Variants in C1QTNF5 observed in about 807,000 individuals in gnomAD.
The protein encoded by C1QTNF5 is complement C1q tumor necrosis factor-related protein 5.
C1QTNF5 carries 5 observed loss-of-function variants against 10.9 expected under a neutral mutation model. The observed-to-expected ratio is 0.46, with a 90% CI of 0.24 to 0.97. C1QTNF5 has a LOEUF of 0.97. Ranked by LOEUF, C1QTNF5 falls within the 50% of genes least tolerant of loss-of-function variation. C1QTNF5 has a pLI of 0.19. For synonymous variants in C1QTNF5, 161 were observed against 156.5 expected (o/e 1.03, Z -0.22); for missense variants, 281 against 339.4 (o/e 0.83, Z 1.35).
At chr11:119,343,932 T>A, upstream of C1QTNF5, 2 of 1,613,680 alleles carry the variant, frequency 1.2e-6, no homozygotes, top group Non-Finnish European at 1.7e-6. Flanking sequence ...CTATGCTGTG[T>A]CCGGCAGGCA....
chr11:119,339,280 C>A lies in C1QTNF5; in HGVS notation c.*51G>T. 6.3e-7 allele frequency: 1 copy of A among 1,583,560 alleles called. No individual in the cohort carries two copies. On this transcript the variant is annotated 3_prime_UTR_variant, in exon 3 of 3. Coordinates refer to ENST00000528368, the MANE Select transcript of C1QTNF5 (RefSeq NM_001278431.2). The surrounding 1 kb of genome is among the most constrained non-coding windows in gnomAD (Gnocchi z 5.4). ...CCTCCTGGATGACCTGGTTGTCAGC[C>A]TCACACCCTCCTTCTAGGAGTGAGA... is the stretch of plus-strand genomic sequence containing the variant.
In C1QTNF5 at chr11:119,339,547, G is replaced by A; in HGVS notation, c.516C>T (p.Gly172=). The A allele has an allele frequency of 6.2e-7, 1 of 1,613,606 alleles. No homozygotes were observed. Among genetic ancestry groups the A allele is most frequent in the South Asian group, 1.1e-5 (1 of 91,080 alleles). ...ASLQFDLVKN[G]ESIASFFQFF... ...ACTGGAAGAAAGAGGCAATGGATTC[G>A]CCATTCTTCACCAGATCAAACTGCA... The change falls in exon 3 of 3, where the codon GGC becomes GGT. Residue 172 remains glycine, a synonymous_variant. Transcript: ENST00000528368. The surrounding 1 kb of genome is among the most constrained non-coding windows in gnomAD (Gnocchi z 5.4).
At chr11:119,344,386 C>G (rs753835210), upstream of C1QTNF5, 3 of 1,613,644 alleles carry the variant, frequency 1.9e-6, no homozygotes, top group African/African-American at 2.7e-5. Context: ...AGATTCCCCC[C>G]ACACCCTGTA....
At position 119,339,837 on chromosome 11, in the gene C1QTNF5, G is replaced by T; in HGVS notation, c.226C>A (p.Pro76Thr). The T allele has an allele frequency of 6.7e-7, 1 of 1,493,746 alleles. No homozygotes were observed. Among genetic ancestry groups the T allele is most frequent in the South Asian group, 1.3e-5 (1 of 77,018 alleles). The allele number at this position is 1,493,746 out of a possible 1,614,324, so 92.5% of individuals were successfully genotyped here. A position where few individuals can be genotyped will look rare whatever the true frequency, so the allele number is the denominator to read the frequency against. ...CCTCGCGGCCCGGGGTCCCCTCGAG[G>T]TCCCGGCAGTCCTGCGGGGTAAGCG... ...GEGGRPGLPGPRGDPGPRGEA... is the reference protein window; with the variant it reads ...GEGGRPGLPGTRGDPGPRGEA... The change falls in exon 3 of 3, where the codon CCT (proline) becomes ACT (threonine). Residue 76 changes from proline (P) to threonine (T), a missense_variant. Transcript: ENST00000528368. The surrounding 1 kb of genome is among the most constrained non-coding windows in gnomAD (Gnocchi z 5.4).
upstream of C1QTNF5, chr11:119,342,553 G>C (rs1950512661): frequency 4.3e-6 from 7 of 1,609,370 alleles, no homozygotes; most frequent in African/African-American, 1.3e-5. Context: ...TCTGTGAGGT[G>C]GGCACCCAGC....
In C1QTNF5 at chr11:119,339,862, G is replaced by A. The variant is rs1306948469; in HGVS notation, c.215-14C>T. The A allele has an allele frequency of 6.9e-7, 1 of 1,459,762 alleles. No individual in the cohort carries two copies. The highest frequency in any genetic ancestry group is 1.4e-5 in the South Asian group (1 of 71,600). 90.4% of individuals were successfully genotyped at this position (1,459,762 alleles called of 1,614,324 possible). Reference sequence around the variant, plus strand: ...GTCCCGGCAGTCCTGCGGGGTAAGCGGGGCGGCAGGGTGAGAGTAGCGGCG... The same window carrying A: ...GTCCCGGCAGTCCTGCGGGGTAAGCAGGGCGGCAGGGTGAGAGTAGCGGCG... On this transcript the variant is annotated splice_polypyrimidine_tract_variant and intron_variant, in intron 2 of 2. Transcript: ENST00000528368. This position sits in a 1 kb window ranked among gnomAD's most constrained non-coding sequence, Gnocchi z 5.4.
upstream of C1QTNF5, chr11:119,345,482 ACT>A (rs1950553695): frequency 1.9e-6 from 3 of 1,613,882 alleles, no homozygotes; most frequent in Non-Finnish European, 2.5e-6. Flanking sequence ...AAGAGGCCAC[ACT>A]CTCTATGCTG....
rs747647680 is a variant in C1QTNF5, at chr11:119,339,523, C to T, written c.540G>A (p.Gln180=). The part of the protein sequence containing the change: ...KNGESIASFF[Q]FFGGWPKPAS... The stretch of plus-strand genomic sequence containing the variant: ...CTGGCTTGGGCCACCCCCCGAAAAA[C>T]TGGAAGAAAGAGGCAATGGATTCGC... The change falls in exon 3 of 3, where the codon CAG becomes CAA. Residue 180 remains glutamine, a synonymous_variant. Coordinates refer to ENST00000528368, the MANE Select transcript of C1QTNF5 (RefSeq NM_001278431.2). This position sits in a 1 kb window ranked among gnomAD's most constrained non-coding sequence, Gnocchi z 5.4. 9.9e-6 allele frequency: 16 copies of T among 1,613,810 alleles called. No individual in the cohort carries two copies. In the South Asian group the frequency reaches 1.8e-4, roughly 18 times the overall value.
chr11:119,340,071 C>G (rs551231393), intron 2 of C1QTNF5, 113 bp downstream of exon 2: 175 of 1,340,484 alleles, frequency 1.3e-4, no homozygotes, highest in Non-Finnish European at 1.6e-4. Context: ...GGCTGCAAAG[C>G]GCGGGGAGTG....
At position 119,339,441 on chromosome 11, in the gene C1QTNF5, G is replaced by A; in HGVS notation, c.622C>T (p.Gln208Ter). 1 of 1,613,954 alleles carries A rather than the reference G, an allele frequency of 6.2e-7. No individual in the cohort carries two copies. Among genetic ancestry groups the A allele is most frequent in the East Asian group, 2.2e-5 (1 of 44,860 alleles). Residue 208 changes from glutamine to a stop codon, truncating the protein, a stop_gained, in exon 3 of 3, where the codon CAG becomes TAG. Coordinates refer to ENST00000528368, the MANE Select transcript of C1QTNF5 (RefSeq NM_001278431.2). LOFTEE classifies it high-confidence loss of function. The surrounding 1 kb of genome is among the most constrained non-coding windows in gnomAD (Gnocchi z 5.4). ...RLEPEDQVWVQVGVGDYIGIY... is the reference protein window; with the variant it reads ...RLEPEDQVWV ...CCAATGTAGTCACCCACACCCACCT[G>A]CACCCACACTTGGTCCTCAGGCTCC...
At chr11:119,341,480 T>C (rs1950501687), upstream of C1QTNF5, 2 of 1,339,416 alleles carry the variant, frequency 1.5e-6, no homozygotes, top group Non-Finnish European at 2.1e-6. Context: ...CTTCCTTTGT[T>C]CCCCTGCGTG....
Position 119,339,710 on chromosome 11 carries a change from G to C in C1QTNF5, c.353C>G (p.Pro118Arg). The change falls in exon 3 of 3, where the codon CCG (proline) becomes CGG (arginine). Residue 118 changes from proline to arginine, a missense_variant. Pro to Arg is a moderately radical substitution (Grantham distance 103, BLOSUM62 -2). Coordinates refer to ENST00000528368, the MANE Select transcript of C1QTNF5 (RefSeq NM_001278431.2). The surrounding 1 kb of genome is among the most constrained non-coding windows in gnomAD (Gnocchi z 5.4). ...AKRSESRVPP[P>R]SDAPLPFDRV... ...GTCGAAGGGCAAGGGTGCGTCAGAC[G>C]GCGGAGGCACCCGGCTCTCGGAGCG... 2 of 1,604,324 alleles carry C rather than the reference G, an allele frequency of 1.2e-6. No homozygotes were observed. The highest frequency in any genetic ancestry group is 1.7e-6 in the Non-Finnish European group (2 of 1,178,838).
In C1QTNF5 at chr11:119,340,724, T is replaced by C. The variant is rs1950495039; in HGVS notation, c.-73A>G. 1 of 375,404 alleles carries C rather than the reference T, an allele frequency of 2.7e-6. No homozygotes were observed. The highest frequency in any genetic ancestry group is 4.9e-6 in the Non-Finnish European group (1 of 204,818). 23.3% of individuals were successfully genotyped at this position (375,404 alleles called of 1,614,324 possible). A position where few individuals can be genotyped will look rare whatever the true frequency, so the allele number is the denominator to read the frequency against. The stretch of plus-strand genomic sequence containing the variant: ...CCTCCCGGCTCCCCGATGGCCTCCT[T>C]CGGGGCGCTCGCTACTCCGGACCCT... On this transcript the variant is annotated 5_prime_UTR_variant, in exon 1 of 3. Coordinates refer to ENST00000528368, the MANE Select transcript of C1QTNF5 (RefSeq NM_001278431.2).
upstream of C1QTNF5, chr11:119,344,060 G>A: frequency 1.3e-6 from 2 of 1,504,616 alleles, no homozygotes; most frequent in Non-Finnish European, 1.8e-6. Context: ...TGGCTGGGGG[G>A]ATGGGGTGGT....
upstream of C1QTNF5, chr11:119,344,189 G>A (rs181033637): frequency 1.7e-4 from 179 of 1,037,382 alleles, 2 homozygotes; most frequent in South Asian, 1.2e-3. Context: ...CCCATCCCCC[G>A]TCTGCTTGAT....
upstream of C1QTNF5, chr11:119,341,770 G>T: frequency 6.2e-7 from 1 of 1,613,216 alleles, no homozygotes; most frequent in Non-Finnish European, 8.5e-7. Context: ...GGCTTGTCAG[G>T]CTCTGCGGAG....
upstream of C1QTNF5, chr11:119,344,245 A>T: frequency 1.4e-6 from 2 of 1,416,000 alleles, no homozygotes. Flanking sequence ...TGCCATTCCC[A>T]TTACACTAAC....
upstream of C1QTNF5, chr11:119,344,617 A>G (rs745513112): frequency 1.9e-6 from 3 of 1,613,948 alleles, no homozygotes; most frequent in Non-Finnish European, 2.5e-6. Flanking sequence ...GAGGACCCCC[A>G]TGCCTGGCCC....
chr11:119,346,640 G>T, the C1QTNF5 span: 2 of 929,758 alleles, frequency 2.2e-6, no homozygotes, highest in Non-Finnish European at 3.5e-6. Flanking sequence ...AGGCTGCCAG[G>T]CTAGACCAGT....
Sources: allele counts gnomAD v4.1 joint callset, GRCh38; gene constraint gnomAD v4.1.1; non-coding constraint Gnocchi (gnomAD v3.1); transcripts MANE v1.5; gene names NCBI Gene and HGNC (gene_info 2026-07-23, HGNC 2026-07-21).